ZBTB7A: variants seen among roughly 807,000 people sequenced by gnomAD.
The protein encoded by ZBTB7A is zinc finger and BTB domain containing 7A.
In ZBTB7A, 7 loss-of-function variants were observed where a neutral mutation model predicts 26.7. The observed-to-expected ratio is 0.26, with a 90% confidence interval of 0.15 to 0.49. The LOEUF is 0.49. ZBTB7A is among the 20% of genes least tolerant of loss of function. ZBTB7A has a pLI of 0.98. For missense variants in ZBTB7A, 617 were observed against 919.5 expected (o/e 0.67, Z 4.25); for synonymous variants, 452 against 441.0 (o/e 1.02, Z -0.31).
At chr19:4,055,272 C>T (rs1389800025) in intron 1 of ZBTB7A, 25 bp from the exon 2 acceptor site, 2 of 1,445,430 alleles carry the variant, frequency 1.4e-6, no homozygotes, top group Admixed American at 2.7e-5. Flanking sequence ...AAGGAGAGGG[C>T]GCTCGTGAGT....
At chr19:4,053,922 T>A in intron 2 of ZBTB7A, 49 bp downstream of exon 2, 1 of 1,535,868 alleles carries the variant, frequency 6.5e-7, no homozygotes, top group Non-Finnish European at 8.7e-7. Flanking sequence ...GAGCGGCGGA[T>A]GCTGGGGCAG....
chr19:4,046,292 C>A lies in ZBTB7A; in HGVS notation c.*1460G>T, dbSNP rs2040415409. The A allele has an allele frequency of 2.6e-6, 1 of 386,958 alleles. No homozygotes were observed. Among genetic ancestry groups the A allele is most frequent in the Non-Finnish European group, 4.6e-6 (1 of 219,342 alleles). The allele number at this position is 386,958 out of a possible 1,614,324, so 24.0% of individuals were successfully genotyped here. A position where few individuals can be genotyped will look rare whatever the true frequency, so the allele number is the denominator to read the frequency against. On this transcript the variant is annotated 3_prime_UTR_variant, in exon 3 of 3. Transcript: ENST00000322357. ...CCCCTGCGATGGCTTCCTCCTGAAC[C>A]CCCCTTCTCGCTTTTTGGGGAACAG...
rs981314803 is a variant in ZBTB7A, at chr19:4,057,082, C to A, written c.-15-1835G>T. On this transcript the variant is annotated intron_variant, in intron 1 of 2. Coordinates refer to ENST00000322357, the MANE Select transcript of ZBTB7A (RefSeq NM_015898.4). ...AAAAAAAAAGGGCTGGGCACTGTGG[C>A]TCACATCTATAATCCCAGCACTTTG... is the stretch of plus-strand genomic sequence containing the variant. Among the ~76,000 whole-genome samples, 6 of 149,254 alleles carry A rather than the reference C, an allele frequency of 4.0e-5. No individual in the cohort carries two copies. In the Admixed American group the frequency reaches 4.0e-4, roughly 10 times the overall value.
At position 4,046,640 on chromosome 19, in the gene ZBTB7A, T is replaced by G. The variant is rs1174200269; in HGVS notation, c.*1112A>C. ...TTTCTAGTTTGTTTTATTGCTTTTG[T>G]GACATTGGAATTTGTGGATTTTCTC... On this transcript the variant is annotated 3_prime_UTR_variant, in exon 3 of 3. Coordinates refer to ENST00000322357, the MANE Select transcript of ZBTB7A (RefSeq NM_015898.4). The G allele has an allele frequency of 6.7e-6, 1 of 150,220 alleles. No individual in the cohort carries two copies. The highest frequency in any genetic ancestry group is 1.5e-5 in the Non-Finnish European group (1 of 67,500). The allele number at this position is 150,220 out of a possible 1,614,324, so 9.3% of individuals were successfully genotyped here.
Position 4,054,864 on chromosome 19 carries a change from G to A in ZBTB7A, c.369C>T (p.Cys123=). ...LLEIPAVSHV[C]ADLLDRQILA... is the part of the protein sequence containing the mutation. ...GGATCTGCCGGTCCAGGAGGTCGGC[G>A]CACACGTGGCTCACGGCGGGGATCT... is the stretch of plus-strand genomic sequence containing the variant. Residue 123 remains cysteine, a synonymous_variant, in exon 2 of 3, where the codon TGC becomes TGT. Coordinates refer to ENST00000322357, the MANE Select transcript of ZBTB7A (RefSeq NM_015898.4). 4 of 1,609,386 alleles carry A rather than the reference G, an allele frequency of 2.5e-6. No homozygotes were observed. Among genetic ancestry groups the A allele is most frequent in the South Asian group, 2.2e-5 (2 of 90,586 alleles).
In ZBTB7A at chr19:4,053,956, C is replaced by T; in HGVS notation, c.1262+15G>A. 6.3e-7 allele frequency: 1 copy of T among 1,579,978 alleles called. No homozygotes were observed. The highest frequency in any genetic ancestry group is 8.6e-7 in the Non-Finnish European group (1 of 1,166,086). On this transcript the variant is annotated intron_variant, in intron 2 of 2. Coordinates refer to ENST00000322357, the MANE Select transcript of ZBTB7A (RefSeq NM_015898.4). ...AGAGAGCAGGACGGCGCCTCCCCCG[C>T]GGCGGGCAGCTCACCTGGTGAAGCG...
chr19:4,062,135 C>G (rs1239908008), intron 1 of ZBTB7A: 1 of 152,274 alleles, frequency 6.6e-6, no homozygotes, highest in Non-Finnish European at 1.5e-5. Flanking sequence ...CAGAATCCGG[C>G]CAGATCCTTC....
chr19:4,065,949 G>C (rs994012939), intron 1 of ZBTB7A, among the ~76,000 whole-genome samples: 3 of 143,486 alleles, frequency 2.1e-5, no homozygotes, highest in Admixed American at 6.8e-5. Context: ...CGCGCGATCG[G>C]CCCGCGCCCA....
intron 1 of ZBTB7A, among the ~76,000 whole-genome samples, chr19:4,060,972 C>T (rs987855476): frequency 6.6e-6 from 1 of 152,172 alleles, no homozygotes; most frequent in African/African-American, 2.4e-5. Flanking sequence ...TCGGCTCCCC[C>T]ACCTCCAAGC....
chr19:4,059,955 G>T (rs2040622158), intron 1 of ZBTB7A, among the ~76,000 whole-genome samples: 1 of 151,952 alleles, frequency 6.6e-6, no homozygotes. Context: ...GGAGGTGGCG[G>T]TTTCGTTCCC....
In ZBTB7A at chr19:4,043,392, GTTTGTTT is replaced by G. The variant is rs1341049516; in HGVS notation, c.*4353_*4359del. ...TTGTTTTTTCATCTTTTGTGTTTTT[GTTTGTTT>G]TTTATTACTTTTAAAGCTTCTCCCT... On this transcript the variant is annotated 3_prime_UTR_variant, in exon 3 of 3. Coordinates refer to ENST00000322357, the MANE Select transcript of ZBTB7A (RefSeq NM_015898.4). Among the ~76,000 whole-genome samples, 1 of 147,042 alleles carries G rather than the reference GTTTGTTT, an allele frequency of 6.8e-6. No individual in the cohort carries two copies. The highest frequency in any genetic ancestry group is 1.5e-5 in the Non-Finnish European group (1 of 66,778).
rs1187653609 is a variant in ZBTB7A, at chr19:4,065,228, G to A, written c.-16+1454C>T. Among the ~76,000 whole-genome samples the A allele has an allele frequency of 2.6e-5, 4 of 151,294 alleles. No individual in the cohort carries two copies. The East Asian group carries it at 7.8e-4, about 30-fold the overall frequency. ...TGGGGGCGCGGACGGCGGGGACTGG[G>A]GTGCTCTCTCCGCCCCCTCCCGCGG... On this transcript the variant is annotated intron_variant, in intron 1 of 2. Transcript: ENST00000322357.
At chr19:4,049,164 G>GTATATATATATATATA (rs748377446) in intron 2 of ZBTB7A, among the ~76,000 whole-genome samples, 5 of 21,178 alleles carry the variant, frequency 2.4e-4, no homozygotes, top group Non-Finnish European at 3.8e-4. Flanking sequence ...GTGTGTGTGT[G>GTATATATATATATATA]TGTGTATATA....
Position 4,047,809 on chromosome 19 carries a change from G to C in ZBTB7A, c.1698C>G (p.Asp566Glu), listed in dbSNP as rs760395534. Residue 566 changes from aspartate (D) to glutamate (E), a missense_variant, in exon 3 of 3, where the codon GAC (aspartate) becomes GAG (glutamate). By Grantham distance (45) the Asp-to-Glu change is conservative. This residue lies in a region of ZBTB7A where 136 missense variants were observed against 126.6 expected (regional missense o/e 1.07). Coordinates refer to ENST00000322357, the MANE Select transcript of ZBTB7A (RefSeq NM_015898.4). ...LNVAGAGGGG[D>E]SGGGPGAATD... ...TGGCGGCCCCGGGGCCACCTCCGCT[G>C]TCACCTCCTCCACCGGCGCCCGCTA... is the stretch of plus-strand genomic sequence containing the variant. 1.2e-6 allele frequency: 2 copies of C among 1,603,922 alleles called. No individual in the cohort carries two copies. Among genetic ancestry groups the C allele is most frequent in the Non-Finnish European group, 1.7e-6 (2 of 1,175,952 alleles).
At position 4,045,827 on chromosome 19, in the gene ZBTB7A, A is replaced by C. The variant is rs1347273565; in HGVS notation, c.*1925T>G. The stretch of plus-strand genomic sequence containing the variant: ...GTCAACACCGGGCCTTGTGGGAGCC[A>C]GAGGTTGGGGGGAGGCAGGTCCCAG... On this transcript the variant is annotated 3_prime_UTR_variant, in exon 3 of 3. Coordinates refer to ENST00000322357, the MANE Select transcript of ZBTB7A (RefSeq NM_015898.4). The surrounding 1 kb of genome is among the most constrained non-coding windows in gnomAD (Gnocchi z 4.1). 2 of 397,830 alleles carry C rather than the reference A, an allele frequency of 5.0e-6. No homozygotes were observed. Among genetic ancestry groups the C allele is most frequent in the Non-Finnish European group, 4.4e-6 (1 of 225,630 alleles). 24.6% of individuals were successfully genotyped at this position (397,830 alleles called of 1,614,324 possible). A position where few individuals can be genotyped will look rare whatever the true frequency, so the allele number is the denominator to read the frequency against.
In ZBTB7A at chr19:4,045,574, GAA is replaced by G. The variant is rs1488756630; in HGVS notation, c.*2176_*2177del. The G allele has an allele frequency of 2.8e-5, 6 of 213,654 alleles. No homozygotes were observed. Among genetic ancestry groups the G allele is most frequent in the African/African-American group, 5.2e-5 (2 of 38,222 alleles). 13.2% of individuals were successfully genotyped at this position (213,654 alleles called of 1,614,324 possible). Reference sequence around the variant, plus strand: ...AAAAAGCTTCCCTTTAACAATGAAAGAAAAAGAGACGAGAAGATGTGTGTGTC... The same window carrying G: ...AAAAAGCTTCCCTTTAACAATGAAAGAAAGAGACGAGAAGATGTGTGTGTC... On this transcript the variant is annotated 3_prime_UTR_variant, in exon 3 of 3. Coordinates refer to ENST00000322357, the MANE Select transcript of ZBTB7A (RefSeq NM_015898.4). The surrounding 1 kb of genome is among the most constrained non-coding windows in gnomAD (Gnocchi z 4.1).
At chr19:4,050,678 T>C (rs2040493564) in intron 2 of ZBTB7A, among the ~76,000 whole-genome samples, 1 of 152,198 alleles carries the variant, frequency 6.6e-6, no homozygotes, top group East Asian at 1.9e-4. Context: ...AATGGCTCAA[T>C]GAGGATCGTG....
rs2040550691 is a variant in ZBTB7A at position 4,054,566 on chromosome 19, C to T, written c.667G>A (p.Gly223Ser). Residue 223 changes from glycine (G) to serine (S), a missense_variant, in exon 2 of 3, where the codon GGC becomes AGC. Gly to Ser is a moderately conservative substitution (Grantham distance 56). Around this residue, in one of 5 missense-constraint regions of ZBTB7A, gnomAD observed 331 missense variants for 391.3 expected, o/e 0.85. Transcript: ENST00000322357. ...GTCGGGGGCCGCTCGGCCGGGGGGC[C>T]CGGCCCATAGAAGTCTAAGCCGTTG... ...DCNGLDFYGP[G>S]PPAERPPTGD... is the part of the protein sequence containing the mutation. The T allele has an allele frequency of 6.6e-7, 1 of 1,505,086 alleles. No homozygotes were observed. Among genetic ancestry groups the T allele is most frequent in the African/African-American group, 1.4e-5 (1 of 71,236 alleles). 93.2% of individuals were successfully genotyped at this position (1,505,086 alleles called of 1,614,324 possible). A position where few individuals can be genotyped will look rare whatever the true frequency, so the allele number is the denominator to read the frequency against.
rs1476935067 is a variant in ZBTB7A, at chr19:4,045,935, G to A, written c.*1817C>T. On this transcript the variant is annotated 3_prime_UTR_variant, in exon 3 of 3. Transcript: ENST00000322357. The surrounding 1 kb of genome is among the most constrained non-coding windows in gnomAD (Gnocchi z 4.1). ...GAGGGGCGGTGGTTCTAAGGCCCTG[G>A]AGGTGGGGGGCCCCTGTCACCCACC... 4 of 398,550 alleles carry A rather than the reference G, an allele frequency of 1.0e-5. No individual in the cohort carries two copies. Among genetic ancestry groups the A allele is most frequent in the Non-Finnish European group, 1.8e-5 (4 of 226,076 alleles). 24.7% of individuals were successfully genotyped at this position (398,550 alleles called of 1,614,324 possible). A position where few individuals can be genotyped will look rare whatever the true frequency, so the allele number is the denominator to read the frequency against.
Sources: gnomAD v4.1 joint callset for allele counts (sites outside exome capture counted in the v4.1 genomes callset) on GRCh38, gnomAD v4.1.1 for gene constraint, gnomAD v4.1.1 regional missense constraint, Gnocchi (gnomAD v3.1) non-coding constraint, MANE v1.5 for transcripts, NCBI Gene and HGNC (gene_info 2026-07-23, HGNC 2026-07-21) for gene names.